SIK2: variants seen among roughly 807,000 people sequenced by gnomAD.
The protein encoded by SIK2 is salt inducible kinase 2, also known as serine/threonine-protein kinase SIK2.
SIK2 carries 29 observed loss-of-function variants against 103.2 expected under a neutral mutation model. The observed-to-expected ratio is 0.28, with a 90% CI of 0.21 to 0.38. The LOEUF is 0.38. Ranked by LOEUF, SIK2 falls within the 10% of genes least tolerant of loss-of-function variation. The probability of loss-of-function intolerance (pLI) is 1.00; values close to 1 mark genes in which losing one functional copy is unlikely to be tolerated. For synonymous variants in SIK2, 412 were observed against 446.1 expected (o/e 0.92, Z 0.96); for missense variants, 879 against 1,171.0 (o/e 0.75, Z 3.64).
At chr11:111,649,356 C>A (rs1435490992) in intron 3 of SIK2, among the ~76,000 whole-genome samples, 1 of 152,026 alleles carries the variant, frequency 6.6e-6, no homozygotes, top group Non-Finnish European at 1.5e-5. Flanking sequence ...TTCTCTGAAT[C>A]AGGTAACATC....
At chr11:111,656,165 G>T (rs2135867334) in intron 3 of SIK2, among the ~76,000 whole-genome samples, 1 of 152,224 alleles carries the variant, frequency 6.6e-6, no homozygotes. Flanking sequence ...ACTCCAGCCT[G>T]GGTGACTGAG....
chr11:111,633,041 C>T (rs1255004914), intron 3 of SIK2, among the ~76,000 whole-genome samples: 1 of 152,152 alleles, frequency 6.6e-6, no homozygotes, highest in Non-Finnish European at 1.5e-5. Flanking sequence ...TAATTAACTC[C>T]CACAAAACCC....
chr11:111,683,976 T>C (rs1391923428), intron 3 of SIK2, among the ~76,000 whole-genome samples: 1 of 152,172 alleles, frequency 6.6e-6, no homozygotes, highest in African/African-American at 2.4e-5. Flanking sequence ...TCATAAAGCA[T>C]GGGGAAGATA....
intron 2 of SIK2, among the ~76,000 whole-genome samples, chr11:111,619,557 C>G (rs1027624252): frequency 6.6e-6 from 1 of 152,090 alleles, no homozygotes; most frequent in Non-Finnish European, 1.5e-5. Context: ...GTTGGCCAGG[C>G]TGGTGTCGAA....
At chr11:111,636,465 A>C (rs505372) in intron 3 of SIK2, among the ~76,000 whole-genome samples, 94,548 of 152,068 alleles carry the variant, frequency 0.62, 32,304 homozygotes, top group East Asian at 0.96. Context: ...AAGAAATCAT[A>C]AGTTAACAAA....
chr11:111,721,721 T>C, intron 12 of SIK2, 109 bp from the exon 13 acceptor site: 1 of 710,906 alleles, frequency 1.4e-6, no homozygotes, highest in South Asian at 2.1e-5. Context: ...TTAATAAGTC[T>C]CAGTGGAGTT....
chr11:111,626,930 A>T (rs1160040592), intron 3 of SIK2, among the ~76,000 whole-genome samples: 1 of 152,082 alleles, frequency 6.6e-6, no homozygotes, highest in Non-Finnish European at 1.5e-5. Flanking sequence ...TAATTTTTCC[A>T]TGTGGTCAGT....
At chr11:111,681,488 A>G (rs779501374) in intron 3 of SIK2, among the ~76,000 whole-genome samples, 18 of 152,200 alleles carry the variant, frequency 1.2e-4, no homozygotes, top group Non-Finnish European at 2.2e-4. Flanking sequence ...ATATTTCAAT[A>G]TGTTGCCTAT....
chr11:111,625,286 T>G (rs1941946869), intron 3 of SIK2, among the ~76,000 whole-genome samples: 1 of 152,120 alleles, frequency 6.6e-6, no homozygotes, highest in Admixed American at 6.6e-5. Context: ...GGAAACCAGG[T>G]AGGAAGCTGT....
chr11:111,677,362 T>G (rs1591611880), intron 3 of SIK2, among the ~76,000 whole-genome samples: 1 of 152,200 alleles, frequency 6.6e-6, no homozygotes, highest in African/African-American at 2.4e-5. Context: ...TAAGCCAGTA[T>G]TGCCTCATGA....
At chr11:111,720,346 C>A in intron 10 of SIK2, 132 bp from the exon 11 acceptor site, 1 of 982,768 alleles carries the variant, frequency 1.0e-6, no homozygotes, top group Non-Finnish European at 1.5e-6. Flanking sequence ...AGTAAAAGGG[C>A]TCTGAAAAGA....
chr11:111,711,942 T>C (rs1473206431), intron 8 of SIK2, among the ~76,000 whole-genome samples: 2 of 152,250 alleles, frequency 1.3e-5, no homozygotes, highest in African/African-American at 4.8e-5. Context: ...AAAAGCTAGC[T>C]TTCTCGTCAC....
chr11:111,634,223 C>T (rs1332737393), intron 3 of SIK2, among the ~76,000 whole-genome samples: 1 of 152,066 alleles, frequency 6.6e-6, no homozygotes, highest in East Asian at 1.9e-4. Flanking sequence ...TGGTAACATA[C>T]TAGGATGCCA....
At chr11:111,656,060 C>T (rs868668785) in intron 3 of SIK2, among the ~76,000 whole-genome samples, 29 of 149,148 alleles carry the variant, frequency 1.9e-4, no homozygotes, top group African/African-American at 5.9e-4. Flanking sequence ...TTTGGTGCTG[C>T]GTACCTGTGG....
At chr11:111,687,882 G>A in intron 3 of SIK2, 119 bp from the exon 4 acceptor site, 1 of 976,082 alleles carries the variant, frequency 1.0e-6, no homozygotes, top group South Asian at 1.6e-5. Flanking sequence ...TGGGACTACA[G>A]GCATGAGCCA....
chr11:111,635,082 T>C (rs889046910), intron 3 of SIK2, among the ~76,000 whole-genome samples: 8 of 152,176 alleles, frequency 5.3e-5, no homozygotes, highest in Non-Finnish European at 8.8e-5. Flanking sequence ...AGTTAACTTG[T>C]AGAGAGACTA....
intron 1 of SIK2, among the ~76,000 whole-genome samples, chr11:111,605,296 A>T (rs1027888756): frequency 6.6e-6 from 1 of 152,212 alleles, no homozygotes; most frequent in African/African-American, 2.4e-5. Context: ...TGGGAGTAAC[A>T]ATTCCATTGT....
intron 1 of SIK2, among the ~76,000 whole-genome samples, chr11:111,611,185 G>T (rs1171017760): frequency 6.6e-6 from 1 of 151,284 alleles, no homozygotes; most frequent in African/African-American, 2.4e-5. Flanking sequence ...GGAGGCAGAG[G>T]TTGCAGTGAG....
At chr11:111,645,663 A>G (rs899430484) in intron 3 of SIK2, among the ~76,000 whole-genome samples, 5 of 152,084 alleles carry the variant, frequency 3.3e-5, no homozygotes, top group African/African-American at 1.2e-4. Flanking sequence ...TCTACTAAAA[A>G]CATTAGCCAG....
Sources: gnomAD v4.1 joint callset for allele counts (sites outside exome capture counted in the v4.1 genomes callset) on GRCh38, gnomAD v4.1.1 for gene constraint, MANE v1.5 for transcripts, NCBI Gene and HGNC (gene_info 2026-07-23, HGNC 2026-07-21) for gene names.